The following SLF1 variants were observed in gnomAD, a reference collection of about 807,000 sequenced individuals.
SLF1 encodes the protein SMC5/6 complex localization factor 1, also known as SMC5-SMC6 complex localization factor protein 1.
SLF1 carries 105 observed loss-of-function variants against 123.0 expected under a neutral mutation model. The ratio of observed to expected loss-of-function variants is 0.85; its 90% confidence interval spans 0.73 to 1.00. The LOEUF is 1.00. Among genes scored for constraint, SLF1 ranks in the 50% least tolerant of loss-of-function variants. The pLI, the probability that SLF1 is intolerant of heterozygous loss-of-function variation, is 0.00. For missense variants in SLF1, 1,239 were observed against 1,223.0 expected, an observed-to-expected ratio of 1.01 and a Z score of -0.20; for synonymous variants, 434 against 406.6, an observed-to-expected ratio of 1.07 and a Z score of -0.81.
In SLF1 at chr5:94,654,620, C is replaced by G; in HGVS notation, c.1033-10C>G. 1 of 1,528,194 alleles carries G rather than the reference C, an allele frequency of 6.5e-7. No homozygotes were observed. Among genetic ancestry groups the G allele is most frequent in the Non-Finnish European group, 8.8e-7 (1 of 1,135,522 alleles). The allele number at this position is 1,528,194 out of a possible 1,614,324, so 94.7% of individuals were successfully genotyped here. A position where few individuals can be genotyped will look rare whatever the true frequency, so the allele number is the denominator to read the frequency against. On this transcript the variant is annotated splice_polypyrimidine_tract_variant and intron_variant, in intron 8 of 20. Transcript: ENST00000265140. ...CATTTTCTAAAGTCATTTTACTTTG[C>G]TATATGCAGAAAGAAATGAAGAATT...
intron 4 of SLF1, 82 bp from the exon 5 acceptor site, chr5:94,643,191 C>T: frequency 5.1e-6 from 6 of 1,165,048 alleles, no homozygotes; most frequent in Non-Finnish European, 7.1e-6. Flanking sequence ...ATTCGTACTC[C>T]TAAGAAATAA....
chr5:94,629,241 AG>A, intron 3 of SLF1, 74 bp downstream of exon 3: 2 of 1,086,082 alleles, frequency 1.8e-6, no homozygotes, highest in Non-Finnish European at 2.6e-6. Flanking sequence ...GTCTCTGGAG[AG>A]ATAGCATATT....
chr5:94,630,237 C>T (rs1285003978), intron 3 of SLF1, among the ~76,000 whole-genome samples: 1 of 151,862 alleles, frequency 6.6e-6, no homozygotes, highest in Non-Finnish European at 1.5e-5. Context: ...TTAAATGAAA[C>T]TGTAATTATA....
chr5:94,661,558 C>T (rs1393757773), intron 9 of SLF1, among the ~76,000 whole-genome samples: 32 of 150,414 alleles, frequency 2.1e-4, no homozygotes, highest in Non-Finnish European at 3.5e-4. Context: ...TTTTTGAGAC[C>T]GGGTCTAGCT....
chr5:94,639,950 C>G (rs982428744), intron 4 of SLF1, among the ~76,000 whole-genome samples: 4 of 147,280 alleles, frequency 2.7e-5, no homozygotes, highest in African/African-American at 1.1e-4. Flanking sequence ...TTCTTCTATC[C>G]TTTTTTCTAT....
At chr5:94,686,536 C>T (rs770183681) in intron 15 of SLF1, 37 bp from the exon 16 acceptor site, 28 of 1,603,830 alleles carry the variant, frequency 1.7e-5, no homozygotes, top group Non-Finnish European at 2.4e-5. Flanking sequence ...GTATAGGATA[C>T]AGCAATAACT....
chr5:94,625,875 G>GT, intron 1 of SLF1, among the ~76,000 whole-genome samples: 1 of 152,012 alleles, frequency 6.6e-6, no homozygotes, highest in Non-Finnish European at 1.5e-5. Flanking sequence ...ATTCTTCATA[G>GT]TTTTTATGTA....
At chr5:94,663,934 A>G in intron 11 of SLF1, 26 bp downstream of exon 11, 1 of 1,450,384 alleles carries the variant, frequency 6.9e-7, no homozygotes, top group Non-Finnish European at 9.1e-7. Flanking sequence ...AGGATTTATA[A>G]TCTTTTTTTC....
intron 1 of SLF1, among the ~76,000 whole-genome samples, chr5:94,619,286 A>AT (rs34456968): frequency 0.083 from 12,404 of 148,692 alleles, 551 homozygotes; most frequent in South Asian, 0.12. Context: ...CTCTAGTAGA[A>AT]TTTTTTTTTT....
intron 4 of SLF1, among the ~76,000 whole-genome samples, chr5:94,639,935 A>C (rs1482201247): frequency 6.6e-6 from 1 of 151,914 alleles, no homozygotes; most frequent in Non-Finnish European, 1.5e-5. Context: ...CTGTATTTCC[A>C]TTTGTTCTTC....
chr5:94,672,821 C>A (rs1433111268), intron 14 of SLF1, among the ~76,000 whole-genome samples: 1 of 152,012 alleles, frequency 6.6e-6, no homozygotes, highest in Admixed American at 6.6e-5. Context: ...GTTTCCTTCT[C>A]TTGTGCTTTT....
chr5:94,655,132 G>A (rs1302502460), intron 9 of SLF1, among the ~76,000 whole-genome samples: 2 of 152,182 alleles, frequency 1.3e-5, no homozygotes, highest in African/African-American at 2.4e-5. Flanking sequence ...AGAAATAACA[G>A]TCTAGTTTTC....
Position 94,692,125 on chromosome 5 carries a change from T to A in SLF1, c.2564T>A (p.Val855Glu). Reference sequence around the variant, plus strand: ...GAAGCCTGTAACTATGGCAACACAGTGTGTGTCCAGGAAATTTTGCAACGT... The same window carrying A: ...GAAGCCTGTAACTATGGCAACACAGAGTGTGTCCAGGAAATTTTGCAACGT... ...LHEACNYGNT[V>E]CVQEILQRCP... Residue 855 changes from valine (V) to glutamate (E), a missense_variant, in exon 20 of 21, where the codon GTG becomes GAG. Transcript: ENST00000265140. The A allele has an allele frequency of 6.2e-7, 1 of 1,613,760 alleles. No homozygotes were observed. The highest frequency in any genetic ancestry group is 2.2e-5 in the East Asian group (1 of 44,884).
At chr5:94,661,509 C>T (rs1244272567) in intron 9 of SLF1, among the ~76,000 whole-genome samples, 1 of 151,944 alleles carries the variant, frequency 6.6e-6, no homozygotes, top group Non-Finnish European at 1.5e-5. Context: ...CATCTTGAAG[C>T]CCCCTTCTTC....
chr5:94,691,439 C>T, intron 18 of SLF1, 125 bp from the exon 19 acceptor site: 1 of 408,124 alleles, frequency 2.5e-6, no homozygotes, highest in Non-Finnish European at 4.1e-6. Context: ...TTAAACCAGT[C>T]AAAAGAAGAA....
chr5:94,627,147 C>A (rs1744533976), intron 1 of SLF1, among the ~76,000 whole-genome samples: 1 of 152,080 alleles, frequency 6.6e-6, no homozygotes. Flanking sequence ...GGGCTCAAAT[C>A]GTCACAGTTT....
chr5:94,671,479 T>A (rs1750443728), intron 14 of SLF1, among the ~76,000 whole-genome samples: 1 of 151,760 alleles, frequency 6.6e-6, no homozygotes, highest in South Asian at 2.1e-4. Flanking sequence ...ATATAGTGAT[T>A]TTAGTGTATT....
Position 94,695,256 on chromosome 5 carries a change from G to T in SLF1, c.3121G>T (p.Glu1041Ter). 1 of 1,611,992 alleles carries T rather than the reference G, an allele frequency of 6.2e-7. No individual in the cohort carries two copies. Among genetic ancestry groups the T allele is most frequent in the South Asian group, 1.1e-5 (1 of 90,948 alleles). ...GAAAGTGTGTCCTGGGGTACACACT[G>T]AGGCCTTGATGATAACATTGGAAAT... ...NLKVCPGVHT[E>*]ALMITLEMMC... Residue 1041 changes from glutamate (E) to a stop codon, truncating the protein, a stop_gained, in exon 21 of 21, where the codon GAG (glutamate) becomes TAG (stop). Transcript: ENST00000265140. LOFTEE classifies it high-confidence loss of function.
chr5:94,674,750 A>C (rs796405913), intron 14 of SLF1, among the ~76,000 whole-genome samples: 4 of 152,352 alleles, frequency 2.6e-5, no homozygotes, highest in African/African-American at 7.2e-5. Flanking sequence ...CATTGTCATT[A>C]ATCTGAGAAA....
Sources: gnomAD v4.1 joint callset for allele counts (sites outside exome capture counted in the v4.1 genomes callset) on GRCh38, gnomAD v4.1.1 for gene constraint, MANE v1.5 for transcripts, NCBI Gene and HGNC (gene_info 2026-07-23, HGNC 2026-07-21) for gene names.